The following AMD1 variants were observed in gnomAD, a reference collection of about 807,000 sequenced individuals.
The protein encoded by AMD1 is adenosylmethionine decarboxylase 1, also known as S-adenosylmethionine decarboxylase proenzyme.
A neutral mutation model predicts 40.2 loss-of-function variants in AMD1; 11 were observed. The observed-to-expected ratio is 0.27, with a 90% CI of 0.17 to 0.45. The LOEUF (loss-of-function observed/expected upper bound fraction) is 0.45. AMD1 is among the 20% of genes least tolerant of loss of function. AMD1 has a pLI of 1.00. For missense variants in AMD1, 257 were observed against 410.2 expected (o/e 0.63, Z 3.23); for synonymous variants, 121 against 130.8 (o/e 0.93, Z 0.51).
chr6:110,869,737 G>A, the AMD1 span, among the ~76,000 whole-genome samples: 1 of 149,516 alleles, frequency 6.7e-6, no homozygotes, highest in East Asian at 2.0e-4. Context: ...TCAAACTCCC[G>A]ACCTCAGGTG....
chr6:110,831,913 A>C, the AMD1 span, among the ~76,000 whole-genome samples: 2 of 151,934 alleles, frequency 1.3e-5, no homozygotes, highest in African/African-American at 4.8e-5. Context: ...GCATTATCAC[A>C]GCTGACTGCA....
chr6:110,869,012 T>C, the AMD1 span, among the ~76,000 whole-genome samples: 1 of 151,586 alleles, frequency 6.6e-6, no homozygotes, highest in East Asian at 1.9e-4. Flanking sequence ...GTGAGCCAGA[T>C]TGCGCCATTG....
At chr6:110,852,200 ATTTTTTTTTTTTTTTTTTT>A in the AMD1 span, among the ~76,000 whole-genome samples, 3,390 of 51,300 alleles carry the variant, frequency 0.066, 210 homozygotes, top group African/African-American at 0.2. Flanking sequence ...CGCCTGGCTA[ATTTTTTTTTTTTTTTTTTT>A]TTTTTTTTTT....
At chr6:110,858,601 G>A in the AMD1 span, 1 of 1,577,380 alleles carries the variant, frequency 6.3e-7, no homozygotes, top group East Asian at 2.3e-5. Context: ...CGCAGCTGCA[G>A]GTGTCTCTTC....
chr6:110,887,014 TGTAATTGGCA>T (rs1348824263), intron 1 of AMD1, among the ~76,000 whole-genome samples: 1 of 152,210 alleles, frequency 6.6e-6, no homozygotes, highest in Non-Finnish European at 1.5e-5. Flanking sequence ...TAGGTATGCT[TGTAATTGGCA>T]GTCATTCCAG....
At chr6:110,881,011 AT>A (rs1242940749) in intron 1 of AMD1, among the ~76,000 whole-genome samples, 3 of 152,150 alleles carry the variant, frequency 2.0e-5, no homozygotes, top group Non-Finnish European at 4.4e-5. Context: ...TCTAAATTCT[AT>A]TTTTATTAGA....
the AMD1 span, among the ~76,000 whole-genome samples, chr6:110,845,281 C>T: frequency 6.6e-6 from 1 of 151,934 alleles, no homozygotes; most frequent in Non-Finnish European, 1.5e-5. Context: ...TCAACCGACC[C>T]ACCTGTCTTG....
intron 3 of AMD1, 34 bp downstream of exon 3, chr6:110,889,017 A>T: frequency 1.9e-6 from 3 of 1,606,414 alleles, no homozygotes; most frequent in Non-Finnish European, 2.6e-6. Flanking sequence ...TTTTTCAGGC[A>T]TAAATGTTAG....
At chr6:110,859,359 C>T in the AMD1 span, among the ~76,000 whole-genome samples, 3 of 152,028 alleles carry the variant, frequency 2.0e-5, no homozygotes, top group African/African-American at 4.8e-5. Flanking sequence ...GGGTCAAAGC[C>T]GTATCCCCAT....
At chr6:110,871,557 C>T (rs542519922), upstream of AMD1, among the ~76,000 whole-genome samples, 1 of 151,898 alleles carries the variant, frequency 6.6e-6, no homozygotes, top group African/African-American at 2.4e-5. Flanking sequence ...TGCTGTATAA[C>T]GAGGTGATTT....
the AMD1 span, chr6:110,859,126 C>A: frequency 7.6e-7 from 1 of 1,307,892 alleles, no homozygotes; most frequent in Non-Finnish European, 1.1e-6. Context: ...CCCCTTACTA[C>A]CAGGAGGAGG....
the AMD1 span, among the ~76,000 whole-genome samples, chr6:110,828,159 G>A: frequency 5.9e-5 from 9 of 152,142 alleles, no homozygotes; most frequent in Admixed American, 1.3e-4. Flanking sequence ...GGCCAGGCCC[G>A]GTGGCTCACG....
At chr6:110,859,942 C>T in the AMD1 span, among the ~76,000 whole-genome samples, 3 of 152,182 alleles carry the variant, frequency 2.0e-5, no homozygotes, top group African/African-American at 7.2e-5. Context: ...GATTCTCCTG[C>T]TTCAGCCTCC....
chr6:110,892,002 G>A (rs1786046295), intron 4 of AMD1, 159 bp from the exon 5 acceptor site: 1 of 840,374 alleles, frequency 1.2e-6, no homozygotes, highest in Non-Finnish European at 1.9e-6. Flanking sequence ...GCCAAAAGGG[G>A]TGGGATTATA....
chr6:110,834,253 C>T, the AMD1 span, among the ~76,000 whole-genome samples: 15 of 152,122 alleles, frequency 9.9e-5, no homozygotes, highest in East Asian at 7.7e-4. Context: ...GTGGGAGGAT[C>T]GCTTGTGCCC....
Position 110,893,464 on chromosome 6 carries a change from T to A in AMD1, c.865-12T>A, listed in dbSNP as rs1408696300. On this transcript the variant is annotated splice_polypyrimidine_tract_variant and intron_variant, in intron 8 of 8. Transcript: ENST00000368885. ...TTGCAAACACTAACGGTTATTTAAT[T>A]TTTTCCCCCAGAGTTCTAAATGTCG... is the stretch of plus-strand genomic sequence containing the variant. 1 of 1,612,932 alleles carries A rather than the reference T, an allele frequency of 6.2e-7. No homozygotes were observed. The highest frequency in any genetic ancestry group is 1.1e-5 in the South Asian group (1 of 90,904).
chr6:110,839,052 C>G, the AMD1 span, among the ~76,000 whole-genome samples: 2 of 152,184 alleles, frequency 1.3e-5, no homozygotes, highest in Non-Finnish European at 1.5e-5. Context: ...CAGGCATGAG[C>G]CACCGCGCCT....
the AMD1 span, among the ~76,000 whole-genome samples, chr6:110,816,794 G>A: frequency 2.0e-4 from 30 of 152,064 alleles, no homozygotes; most frequent in Non-Finnish European, 3.2e-4. Context: ...TTGCTGTGTT[G>A]CCCAGGCTGG....
At chr6:110,878,103 A>G (rs938044796) in intron 1 of AMD1, among the ~76,000 whole-genome samples, 1 of 152,234 alleles carries the variant, frequency 6.6e-6, no homozygotes, top group Non-Finnish European at 1.5e-5. Flanking sequence ...ATCTAGGCCC[A>G]GATGATTTCA....
Sources: allele counts gnomAD v4.1 joint callset (sites outside exome capture counted in the v4.1 genomes callset), GRCh38; gene constraint gnomAD v4.1.1; transcripts MANE v1.5; gene names NCBI Gene and HGNC (gene_info 2026-07-23, HGNC 2026-07-21).